Variants in DIRAS2 observed in about 807,000 individuals in gnomAD.
DIRAS2 encodes the protein DIRAS family GTPase 2.
Under a neutral mutation model 13.9 loss-of-function variants are expected in DIRAS2, and 5 were observed. The ratio of observed to expected loss-of-function variants is 0.36; its 90% CI spans 0.19 to 0.76. The LOEUF (loss-of-function observed/expected upper bound fraction) is 0.76. Ranked by LOEUF, DIRAS2 falls within the 30% of genes least tolerant of loss-of-function variation. The pLI is 0.53. For missense variants in DIRAS2, 191 were observed against 263.0 expected, an observed-to-expected ratio of 0.73 and a Z score of 1.89; for synonymous variants, 111 against 105.4, an observed-to-expected ratio of 1.05 and a Z score of -0.33.
chr9:90,630,148 AC>A (rs1258133557), intron 1 of DIRAS2, among the ~76,000 whole-genome samples: 1 of 152,150 alleles, frequency 6.6e-6, no homozygotes, highest in Non-Finnish European at 1.5e-5. Context: ...GAAGGCAGGG[AC>A]TTTTGGTTCA....
At chr9:90,630,835 T>C (rs1236526738) in intron 1 of DIRAS2, among the ~76,000 whole-genome samples, 1 of 152,178 alleles carries the variant, frequency 6.6e-6, no homozygotes, top group Non-Finnish European at 1.5e-5. Flanking sequence ...GTACCTGCTT[T>C]GGAAACCTAA....
At chr9:90,632,472 C>A (rs2118576392) in intron 1 of DIRAS2, among the ~76,000 whole-genome samples, 1 of 152,338 alleles carries the variant, frequency 6.6e-6, no homozygotes, top group African/African-American at 2.4e-5. Context: ...TTTCCCTGAC[C>A]ACCCTATCTC....
intron 1 of DIRAS2, among the ~76,000 whole-genome samples, chr9:90,636,965 C>A (rs143766932): frequency 0.015 from 2,342 of 152,310 alleles, 78 homozygotes; most frequent in African/African-American, 0.054. Flanking sequence ...CATTAGCCTA[C>A]AGTTGGGCAA....
chr9:90,635,229 C>T (rs987560032), intron 1 of DIRAS2, among the ~76,000 whole-genome samples: 1 of 152,344 alleles, frequency 6.6e-6, no homozygotes, highest in East Asian at 1.9e-4. Context: ...ATGAACATTT[C>T]ACGCCATGCA....
intron 1 of DIRAS2, among the ~76,000 whole-genome samples, chr9:90,638,153 C>T (rs1450254017): frequency 6.6e-6 from 1 of 152,108 alleles, no homozygotes; most frequent in Non-Finnish European, 1.5e-5. Context: ...TTTACCTCTT[C>T]GTTTTTTATG....
chr9:90,624,602 C>T (rs1242223356), intron 1 of DIRAS2, among the ~76,000 whole-genome samples: 1 of 152,170 alleles, frequency 6.6e-6, no homozygotes, highest in African/African-American at 2.4e-5. Flanking sequence ...GGCCAATAAG[C>T]CCACAGCTTA....
chr9:90,629,782 T>C (rs1009090279), intron 1 of DIRAS2, among the ~76,000 whole-genome samples: 4 of 152,194 alleles, frequency 2.6e-5, no homozygotes, highest in South Asian at 2.1e-4. Flanking sequence ...ATTTAGGAAA[T>C]AATGACATGA....
At chr9:90,624,064 C>T (rs560970435) in intron 1 of DIRAS2, among the ~76,000 whole-genome samples, 1 of 152,310 alleles carries the variant, frequency 6.6e-6, no homozygotes, top group Middle Eastern at 3.4e-3. Context: ...TGTCTCTGCT[C>T]AATTACTGAC....
Position 90,613,110 on chromosome 9 carries a change from G to A in DIRAS2, c.*118C>T. The A allele has an allele frequency of 1.4e-6, 2 of 1,410,998 alleles. No homozygotes were observed. Among genetic ancestry groups the A allele is most frequent in the African/African-American group, 1.4e-5 (1 of 69,906 alleles). The allele number at this position is 1,410,998 out of a possible 1,614,324, so 87.4% of individuals were successfully genotyped here. A position where few individuals can be genotyped will look rare whatever the true frequency, so the allele number is the denominator to read the frequency against. ...TCTTAAGGACAATAGGACGCATCTC[G>A]ATTAAATGCAATGTTTAACACGTGG... On this transcript the variant is annotated 3_prime_UTR_variant, in exon 2 of 2. Transcript: ENST00000375765. The surrounding 1 kb of genome is among the most constrained non-coding windows in gnomAD (Gnocchi z 5.6).
intron 1 of DIRAS2, among the ~76,000 whole-genome samples, chr9:90,621,543 T>G (rs1259657374): frequency 6.6e-6 from 1 of 152,144 alleles, no homozygotes; most frequent in East Asian, 1.9e-4. Context: ...AAAAGTACAC[T>G]TTAAAACAAA....
intron 1 of DIRAS2, among the ~76,000 whole-genome samples, chr9:90,634,695 T>C (rs1390855225): frequency 1.3e-5 from 2 of 152,098 alleles, no homozygotes; most frequent in Non-Finnish European, 2.9e-5. Flanking sequence ...AGAGTCCCAG[T>C]TGGTCCAATG....
intron 1 of DIRAS2, among the ~76,000 whole-genome samples, chr9:90,631,317 G>A (rs1326198101): frequency 1.3e-5 from 2 of 152,344 alleles, no homozygotes; most frequent in Non-Finnish European, 2.9e-5. Flanking sequence ...GATGAGGTCA[G>A]CAAAGTAAAG....
intron 1 of DIRAS2, among the ~76,000 whole-genome samples, chr9:90,625,581 T>A (rs1010263092): frequency 6.6e-6 from 1 of 152,180 alleles, no homozygotes; most frequent in Non-Finnish European, 1.5e-5. Context: ...AGATAATTCT[T>A]CCCCCATTGA....
At chr9:90,623,109 A>G (rs80243554) in intron 1 of DIRAS2, among the ~76,000 whole-genome samples, 4,950 of 152,174 alleles carry the variant, frequency 0.033, 135 homozygotes, top group South Asian at 0.12. Flanking sequence ...AAGAATGCTC[A>G]TTGCCATTGG....
At chr9:90,625,624 A>T (rs532873527) in intron 1 of DIRAS2, among the ~76,000 whole-genome samples, 1 of 152,172 alleles carries the variant, frequency 6.6e-6, no homozygotes, top group Non-Finnish European at 1.5e-5. Flanking sequence ...AAATCAGTCA[A>T]CTATAAAGGT....
intron 1 of DIRAS2, among the ~76,000 whole-genome samples, chr9:90,621,142 G>A (rs1306001041): frequency 6.6e-6 from 1 of 152,102 alleles, no homozygotes; most frequent in African/African-American, 2.4e-5. Flanking sequence ...GGGTGTGAAG[G>A]GAGTAGAAGT....
At chr9:90,617,381 A>T (rs947297549) in intron 1 of DIRAS2, among the ~76,000 whole-genome samples, 5 of 152,218 alleles carry the variant, frequency 3.3e-5, no homozygotes, top group Admixed American at 2.6e-4. Context: ...TCATACACAA[A>T]CAGCACTATA....
Position 90,613,160 on chromosome 9 carries a change from C to T in DIRAS2, c.*68G>A, listed in dbSNP as rs920687542. On this transcript the variant is annotated 3_prime_UTR_variant, in exon 2 of 2. Transcript: ENST00000375765. This position sits in a 1 kb window ranked among gnomAD's most constrained non-coding sequence, Gnocchi z 5.6. ...GGCATTATACATGCTACCCTGACGA[C>T]GGTGGGTGTCATTTTGGGGGAGTGA... 5.1e-6 allele frequency: 8 copies of T among 1,559,536 alleles called. No homozygotes were observed. The African/African-American group carries it at 6.8e-5, about 13-fold the overall frequency.
intron 1 of DIRAS2, among the ~76,000 whole-genome samples, chr9:90,635,660 A>G (rs1414489917): frequency 6.6e-6 from 1 of 152,252 alleles, no homozygotes; most frequent in Non-Finnish European, 1.5e-5. Context: ...TAGCCTTAAC[A>G]CTAGGGGCAA....
Sources: gnomAD v4.1 joint callset for allele counts (sites outside exome capture counted in the v4.1 genomes callset) on GRCh38, gnomAD v4.1.1 for gene constraint, Gnocchi (gnomAD v3.1) non-coding constraint, MANE v1.5 for transcripts, NCBI Gene and HGNC (gene_info 2026-07-23, HGNC 2026-07-21) for gene names.